Variants in NRXN3 observed in about 807,000 individuals in gnomAD.
NRXN3 encodes neurexin 3, also known as neurexin III.
NRXN3 carries 32 observed loss-of-function variants against 137.6 expected under a neutral mutation model. That is an observed-to-expected ratio of 0.23 (90% CI 0.18 to 0.31). The LOEUF (loss-of-function observed/expected upper bound fraction) is 0.31, where lower values mean the gene tolerates loss of function less well. NRXN3 is among the 10% of genes least tolerant of loss of function. The pLI, the probability that NRXN3 is intolerant of heterozygous loss-of-function variation, is 1.00. For missense variants in NRXN3, 1,574 were observed against 2,062.5 expected (o/e 0.76, Z 4.59); for synonymous variants, 798 against 784.5 (o/e 1.02, Z -0.29).
intron 16 of NRXN3, among the ~76,000 whole-genome samples, chr14:79,569,381 T>C (rs1355533955): frequency 6.6e-6 from 1 of 152,148 alleles, no homozygotes; most frequent in East Asian, 1.9e-4. Flanking sequence ...TCCTTTCTCC[T>C]GAGTGAAAGA....
At chr14:79,411,798 C>G (rs1468639816) in intron 15 of NRXN3, among the ~76,000 whole-genome samples, 3 of 151,942 alleles carry the variant, frequency 2.0e-5, no homozygotes, top group African/African-American at 7.3e-5. Context: ...TATTCTAGAC[C>G]GTATAGTGGA....
chr14:79,455,182 G>T (rs138383207), intron 15 of NRXN3, among the ~76,000 whole-genome samples: 10 of 152,072 alleles, frequency 6.6e-5, no homozygotes, highest in African/African-American at 2.4e-4. Context: ...AGATTGTATT[G>T]GTCTCTGGTG....
At chr14:78,957,120 G>A (rs2099398313) in intron 10 of NRXN3, 122 bp from the exon 11 acceptor site, 1 of 1,042,066 alleles carries the variant, frequency 9.6e-7, no homozygotes. Flanking sequence ...AATGGACTTT[G>A]GGTGGAATAT....
In NRXN3 at chr14:79,070,006, A is replaced by G. The variant is rs575504769; in HGVS notation, c.3262+81865A>G. ...ATTTTTCCTTTTTACCTTTCCTTCC[A>G]TCTCTACCTGTTTTCTTTGTTATAG... On this transcript the variant is annotated intron_variant, in intron 15 of 20. Coordinates refer to ENST00000335750, the MANE Select transcript of NRXN3 (RefSeq NM_001330195.2). 3.3e-5 allele frequency among the ~76,000 whole-genome samples: 5 copies of G among 152,208 alleles called. No individual in the cohort carries two copies. The South Asian group carries it at 1.0e-3, about 32-fold the overall frequency.
intron 19 of NRXN3, among the ~76,000 whole-genome samples, chr14:79,727,330 C>T: frequency 6.6e-6 from 1 of 152,126 alleles, no homozygotes; most frequent in Non-Finnish European, 1.5e-5. Flanking sequence ...CGGGAATATT[C>T]GATAGGTATA....
At chr14:78,321,859 G>A (rs531872009) in intron 4 of NRXN3, among the ~76,000 whole-genome samples, 8 of 152,136 alleles carry the variant, frequency 5.3e-5, no homozygotes, top group East Asian at 1.9e-4. Context: ...TGTGCTGGGC[G>A]TCGGAGATTC....
chr14:78,376,399 T>A (rs1047523908), intron 4 of NRXN3, among the ~76,000 whole-genome samples: 4 of 152,204 alleles, frequency 2.6e-5, no homozygotes, highest in African/African-American at 9.7e-5. Context: ...GTTTTTACAT[T>A]AGATTTTTCA....
intron 16 of NRXN3, among the ~76,000 whole-genome samples, chr14:79,633,597 C>T (rs557437273): frequency 1.3e-5 from 2 of 149,372 alleles, no homozygotes; most frequent in East Asian, 2.0e-4. Context: ...TTCAGGAAGT[C>T]TAGGAAGCAA....
chr14:78,903,334 G>A (rs898234887), intron 10 of NRXN3, among the ~76,000 whole-genome samples: 1 of 151,636 alleles, frequency 6.6e-6, no homozygotes, highest in East Asian at 1.9e-4. Context: ...TAGAGATAGG[G>A]TTTCGCCACA....
At chr14:79,163,839 G>T (rs964654501) in intron 15 of NRXN3, among the ~76,000 whole-genome samples, 7 of 151,846 alleles carry the variant, frequency 4.6e-5, no homozygotes, top group Admixed American at 2.0e-4. Context: ...CCTTTCCCAT[G>T]TTATTTATAG....
intron 20 of NRXN3, among the ~76,000 whole-genome samples, chr14:79,830,488 G>A (rs2099319972): frequency 6.6e-6 from 1 of 152,140 alleles, no homozygotes; most frequent in South Asian, 2.1e-4. Context: ...AGCTTGGTGT[G>A]TGCCTGGTTT....
intron 15 of NRXN3, among the ~76,000 whole-genome samples, chr14:79,072,927 C>T (rs1181113865): frequency 2.0e-5 from 3 of 151,082 alleles, no homozygotes; most frequent in Admixed American, 6.6e-5. Flanking sequence ...TTCCTGTCGC[C>T]CAGGCTGGAG....
intron 10 of NRXN3, among the ~76,000 whole-genome samples, chr14:78,929,756 A>G (rs1441050053): frequency 6.6e-6 from 1 of 152,184 alleles, no homozygotes; most frequent in Non-Finnish European, 1.5e-5. Context: ...AGCAAATGCT[A>G]AGGAAATTTG....
chr14:79,729,693 G>C (rs767847040), intron 19 of NRXN3, among the ~76,000 whole-genome samples: 2 of 152,088 alleles, frequency 1.3e-5, no homozygotes, highest in Admixed American at 6.6e-5. Context: ...ACAACTCTAG[G>C]CTCCTCCTCC....
intron 10 of NRXN3, among the ~76,000 whole-genome samples, chr14:78,883,252 T>C (rs2099134467): frequency 6.6e-6 from 1 of 152,246 alleles, no homozygotes. Context: ...TATATTAATG[T>C]AGATGTGTTT....
chr14:79,474,831 AGAGGAGGAGGAAG>A (rs931723267), intron 16 of NRXN3, among the ~76,000 whole-genome samples: 17 of 152,112 alleles, frequency 1.1e-4, no homozygotes. Flanking sequence ...AGAGAGGGAA[AGAGGAGGAGGAAG>A]GAGGAGGAGA....
chr14:78,446,924 C>T (rs1374444105), intron 4 of NRXN3, among the ~76,000 whole-genome samples: 1 of 152,156 alleles, frequency 6.6e-6, no homozygotes, highest in East Asian at 1.9e-4. Flanking sequence ...ATGACATGGT[C>T]CCTCATTCCA....
chr14:78,786,984 GA>G (rs1271382373), intron 8 of NRXN3, among the ~76,000 whole-genome samples: 1 of 152,134 alleles, frequency 6.6e-6, no homozygotes, highest in Non-Finnish European at 1.5e-5. Context: ...GCAATTCAGA[GA>G]CAGTAATATG....
intron 4 of NRXN3, among the ~76,000 whole-genome samples, chr14:78,311,119 G>C (rs897233995): frequency 3.9e-5 from 6 of 152,230 alleles, no homozygotes; most frequent in Non-Finnish European, 8.8e-5. Flanking sequence ...CAATGCAGGT[G>C]AAAGTGCTGT....
Sources: allele counts gnomAD v4.1 joint callset (sites outside exome capture counted in the v4.1 genomes callset), GRCh38; gene constraint gnomAD v4.1.1; transcripts MANE v1.5; gene names NCBI Gene and HGNC (gene_info 2026-07-23, HGNC 2026-07-21).